KALRN: variants seen among roughly 807,000 people sequenced by gnomAD.
KALRN encodes kalirin RhoGEF kinase.
A neutral mutation model predicts 353.7 loss-of-function variants in KALRN; 70 were observed. That is an observed-to-expected ratio of 0.20 (90% CI 0.16 to 0.24). The LOEUF (loss-of-function observed/expected upper bound fraction) is 0.24, where lower values mean the gene tolerates loss of function less well. Ranked by LOEUF, KALRN falls within the 10% of genes least tolerant of loss-of-function variation. KALRN has a pLI of 1.00. For missense variants in KALRN, 2,791 were observed against 3,756.7 expected (o/e 0.74, Z 6.72); for synonymous variants, 1,391 against 1,434.8 (o/e 0.97, Z 0.69).
intron 7 of KALRN, among the ~76,000 whole-genome samples, chr3:124,327,250 A>T (rs1417434866): frequency 1.3e-5 from 2 of 152,242 alleles, no homozygotes; most frequent in African/African-American, 4.8e-5. Flanking sequence ...AAAATCAAGG[A>T]AATATTCTTC....
chr3:124,489,503 C>A (rs917769937), intron 29 of KALRN, among the ~76,000 whole-genome samples: 5 of 152,148 alleles, frequency 3.3e-5, no homozygotes, highest in Non-Finnish European at 4.4e-5. Flanking sequence ...TCCTTAGCAC[C>A]AGAAGCCTCA....
rs2081462675 is a variant in KALRN at position 124,637,273 on chromosome 3, T to C, written c.5634T>C (p.Asn1878=). ...TEVPTAADLV[N]AIEKLVKNKL... Reference sequence around the variant, plus strand: ...TACCTACTGCTGCAGACCTTGTCAATGCAATAGAAAAGTTGGTCAAAAACA... The same window carrying C: ...TACCTACTGCTGCAGACCTTGTCAACGCAATAGAAAAGTTGGTCAAAAACA... Residue 1878 remains asparagine (N), a synonymous_variant, in exon 37 of 60, where the codon AAT becomes AAC. Coordinates refer to ENST00000682506, the MANE Select transcript of KALRN (RefSeq NM_001388419.1). 10 of 1,614,156 alleles carry C rather than the reference T, an allele frequency of 6.2e-6. No individual in the cohort carries two copies. Among genetic ancestry groups the C allele is most frequent in the Non-Finnish European group, 8.5e-6 (10 of 1,179,996 alleles).
intron 1 of KALRN, among the ~76,000 whole-genome samples, chr3:124,122,091 G>C (rs539020395): frequency 1.3e-5 from 2 of 152,344 alleles, no homozygotes; most frequent in Non-Finnish European, 2.9e-5. Context: ...TGGTGCCAGA[G>C]AGTTTGGCTG....
chr3:124,669,844 T>C (rs2086162294), intron 47 of KALRN, among the ~76,000 whole-genome samples: 1 of 152,146 alleles, frequency 6.6e-6, no homozygotes, highest in South Asian at 2.1e-4. Context: ...TAATACCCGA[T>C]ATAATGTACA....
chr3:124,667,836 C>A (rs2150326465), intron 47 of KALRN, among the ~76,000 whole-genome samples: 1 of 152,192 alleles, frequency 6.6e-6, no homozygotes, highest in South Asian at 2.1e-4. Flanking sequence ...GTATATATTT[C>A]TTTATTTTTT....
intron 25 of KALRN, among the ~76,000 whole-genome samples, chr3:124,471,859 C>T (rs898082482): frequency 1.3e-5 from 2 of 148,940 alleles, no homozygotes; most frequent in Non-Finnish European, 3.0e-5. Flanking sequence ...CCCAGCTACT[C>T]GGGAGGCTGA....
chr3:124,248,461 C>A (rs1474456170), intron 3 of KALRN, among the ~76,000 whole-genome samples: 1 of 152,142 alleles, frequency 6.6e-6, no homozygotes, highest in Non-Finnish European at 1.5e-5. Flanking sequence ...ATGGATGTAC[C>A]TGCGAGGGAA....
At chr3:124,145,995 C>G (rs1394839290) in intron 1 of KALRN, among the ~76,000 whole-genome samples, 1 of 152,188 alleles carries the variant, frequency 6.6e-6, no homozygotes, top group Non-Finnish European at 1.5e-5. Context: ...AATAATATGC[C>G]TGTTTGAGTG....
intron 1 of KALRN, among the ~76,000 whole-genome samples, chr3:124,042,098 G>A (rs147587685): frequency 7.1e-4 from 108 of 152,290 alleles, no homozygotes; most frequent in African/African-American, 2.5e-3. Flanking sequence ...GATGGGTATG[G>A]TTTGGACAGG....
In KALRN at chr3:124,321,571, C is replaced by T. The variant is rs60389231; in HGVS notation, c.1093-4409C>T. 1.1e-4 allele frequency among the ~76,000 whole-genome samples: 16 copies of T among 152,288 alleles called. No homozygotes were observed. The East Asian group carries it at 1.7e-3, about 17-fold the overall frequency. On this transcript the variant is annotated intron_variant, in intron 6 of 59. Coordinates refer to ENST00000682506, the MANE Select transcript of KALRN (RefSeq NM_001388419.1). ...TTCTTTCAGGACAATGACTCTGCTC[C>T]ATCGATTTCAGTTAATCACAGCATG...
At chr3:124,350,877 G>A (rs1006856518) in intron 10 of KALRN, among the ~76,000 whole-genome samples, 1 of 152,200 alleles carries the variant, frequency 6.6e-6, no homozygotes, top group Non-Finnish European at 1.5e-5. Context: ...GGGTTTGTGA[G>A]CCATCCCATT....
intron 37 of KALRN, among the ~76,000 whole-genome samples, chr3:124,645,707 T>C (rs1288838539): frequency 6.6e-6 from 1 of 151,828 alleles, no homozygotes; most frequent in African/African-American, 2.4e-5. Flanking sequence ...CATTTGTCCA[T>C]CAATAACACT....
intron 6 of KALRN, among the ~76,000 whole-genome samples, chr3:124,308,051 C>A (rs898296269): frequency 6.6e-6 from 1 of 151,804 alleles, no homozygotes; most frequent in Non-Finnish European, 1.5e-5. Context: ...TTTAAAAGAA[C>A]AGCAAAAAGT....
chr3:124,283,252 A>C (rs2075526173), intron 5 of KALRN, among the ~76,000 whole-genome samples: 1 of 152,248 alleles, frequency 6.6e-6, no homozygotes, highest in Non-Finnish European at 1.5e-5. Context: ...TGCCAGGAAC[A>C]ACCATTAGCT....
At chr3:124,070,274 C>T (rs150010854) in intron 1 of KALRN, among the ~76,000 whole-genome samples, 1 of 152,288 alleles carries the variant, frequency 6.6e-6, no homozygotes, top group Non-Finnish European at 1.5e-5. Context: ...TTGAAAGTCT[C>T]TGCTCTGAGT....
chr3:124,656,301 T>C (rs1205693632), intron 39 of KALRN, among the ~76,000 whole-genome samples: 1 of 151,964 alleles, frequency 6.6e-6, no homozygotes, highest in African/African-American at 2.4e-5. Context: ...TTAATCATCT[T>C]GAAAGAACAT....
intron 34 of KALRN, among the ~76,000 whole-genome samples, chr3:124,593,278 T>C (rs2075980809): frequency 6.6e-6 from 1 of 152,214 alleles, no homozygotes; most frequent in Non-Finnish European, 1.5e-5. Context: ...TGTGCAGTGC[T>C]CCTTCTCTTC....
At chr3:124,227,663 GTTTTTTTTTTTTTTTTTTTTTT>G (rs747087120) in intron 1 of KALRN, among the ~76,000 whole-genome samples, 35 of 69,262 alleles carry the variant, frequency 5.1e-4, no homozygotes, top group Middle Eastern at 9.1e-3. Context: ...CAACAGGGCT[GTTTTTTTTTTTTTTTTTTTTTT>G]TTTTTTTTTT....
chr3:124,325,487 C>T (rs1250041572), intron 6 of KALRN, among the ~76,000 whole-genome samples: 1 of 152,174 alleles, frequency 6.6e-6, no homozygotes, highest in Non-Finnish European at 1.5e-5. Context: ...TGTGGAATTA[C>T]TGTGTCTCCT....
Sources: allele counts gnomAD v4.1 joint callset (sites outside exome capture counted in the v4.1 genomes callset), GRCh38; gene constraint gnomAD v4.1.1; transcripts MANE v1.5; gene names NCBI Gene and HGNC (gene_info 2026-07-23, HGNC 2026-07-21).